The following MIPOL1 variants were observed in gnomAD, a reference collection of about 807,000 sequenced individuals.
The protein encoded by MIPOL1 is mirror-image polydactyly 1.
A neutral mutation model predicts 60.9 loss-of-function variants in MIPOL1; 57 were observed. The observed-to-expected ratio is 0.94, with a 90% CI of 0.76 to 1.17. MIPOL1 has a LOEUF of 1.17. Among genes scored for constraint, MIPOL1 ranks in the 50% most tolerant of loss-of-function variants. The probability of loss-of-function intolerance (pLI) is 0.00; values close to 1 mark genes in which losing one functional copy is unlikely to be tolerated. For missense variants in MIPOL1, 551 were observed against 511.6 expected (o/e 1.08, Z -0.74); for synonymous variants, 179 against 168.8 (o/e 1.06, Z -0.47).
At chr14:37,451,814 T>C (rs1204792463) in intron 11 of MIPOL1, among the ~76,000 whole-genome samples, 3 of 21,558 alleles carry the variant, frequency 1.4e-4, no homozygotes, top group African/African-American at 3.5e-4. Flanking sequence ...CTCTCTTTTT[T>C]TTTTTTTTTT....
chr14:37,493,027 A>G (rs1286043575), intron 11 of MIPOL1, among the ~76,000 whole-genome samples: 2 of 152,220 alleles, frequency 1.3e-5, no homozygotes, highest in East Asian at 3.8e-4. Flanking sequence ...AATAAATAGC[A>G]TATATACAAC....
chr14:37,226,446 A>G (rs1969752673), intron 1 of MIPOL1, among the ~76,000 whole-genome samples: 1 of 152,212 alleles, frequency 6.6e-6, no homozygotes, highest in Non-Finnish European at 1.5e-5. Flanking sequence ...GCAGCAGACA[A>G]GAGAAGACAG....
chr14:37,381,209 G>A (rs1033001821), intron 10 of MIPOL1, among the ~76,000 whole-genome samples: 4 of 152,026 alleles, frequency 2.6e-5, no homozygotes, highest in African/African-American at 9.7e-5. Flanking sequence ...CACATCAATA[G>A]TAGGTACCTT....
chr14:37,299,616 A>T (rs1295322625), intron 7 of MIPOL1, among the ~76,000 whole-genome samples: 2 of 152,048 alleles, frequency 1.3e-5, no homozygotes, highest in African/African-American at 4.8e-5. Context: ...TTTTTTAAAA[A>T]GTGTAGAATA....
chr14:37,504,084 A>G (rs577135645), intron 12 of MIPOL1: 12 of 152,312 alleles, frequency 7.9e-5, no homozygotes, highest in African/African-American at 2.6e-4. Context: ...CACCCAATAC[A>G]GGAGCACCCA....
At chr14:37,294,737 G>A (rs2085456586) in intron 7 of MIPOL1, among the ~76,000 whole-genome samples, 1 of 152,084 alleles carries the variant, frequency 6.6e-6, no homozygotes, top group South Asian at 2.1e-4. Flanking sequence ...GTGAAATGAA[G>A]TGTGAAGAGA....
chr14:37,361,931 G>T (rs999446650), intron 9 of MIPOL1, among the ~76,000 whole-genome samples: 2 of 152,032 alleles, frequency 1.3e-5, no homozygotes, highest in Non-Finnish European at 2.9e-5. Context: ...GACTAGGATT[G>T]CAATGCCTGC....
intron 10 of MIPOL1, among the ~76,000 whole-genome samples, chr14:37,397,501 C>A (rs182086442): frequency 6.6e-6 from 1 of 152,258 alleles, no homozygotes; most frequent in African/African-American, 2.4e-5. Flanking sequence ...CAGAGAGCAT[C>A]AGCTGTGGTA....
intron 10 of MIPOL1, among the ~76,000 whole-genome samples, chr14:37,395,034 C>T (rs1267549749): frequency 1.3e-5 from 2 of 151,980 alleles, no homozygotes; most frequent in Non-Finnish European, 2.9e-5. Flanking sequence ...CCTTTCCCCA[C>T]TTTGTTTTTG....
intron 11 of MIPOL1, among the ~76,000 whole-genome samples, chr14:37,499,681 C>G (rs2095186481): frequency 6.6e-6 from 1 of 152,082 alleles, no homozygotes; most frequent in South Asian, 2.1e-4. Context: ...CTTGCAGCAT[C>G]TTTTTGTATG....
chr14:37,361,834 C>T (rs775477042), intron 9 of MIPOL1, among the ~76,000 whole-genome samples: 11 of 151,996 alleles, frequency 7.2e-5, no homozygotes, highest in Non-Finnish European at 1.6e-4. Flanking sequence ...GTCTCAATCT[C>T]CTGACCTTGT....
At chr14:37,420,595 A>G (rs1384752165) in intron 10 of MIPOL1, among the ~76,000 whole-genome samples, 1 of 152,196 alleles carries the variant, frequency 6.6e-6, no homozygotes, top group East Asian at 1.9e-4. Context: ...GTGTTTCAAC[A>G]ATGCATGCAA....
At chr14:37,335,273 A>G (rs1056363194) in intron 9 of MIPOL1, among the ~76,000 whole-genome samples, 2 of 152,092 alleles carry the variant, frequency 1.3e-5, no homozygotes, top group African/African-American at 4.8e-5. Flanking sequence ...TATACATAAC[A>G]TAAATATACA....
chr14:37,362,765 C>G (rs1254806302), intron 9 of MIPOL1, among the ~76,000 whole-genome samples: 2 of 152,158 alleles, frequency 1.3e-5, no homozygotes, highest in South Asian at 4.1e-4. Flanking sequence ...TAGATTTGGT[C>G]TTTTCACATG....
chr14:37,199,782 C>A (rs1169932178), intron 1 of MIPOL1, among the ~76,000 whole-genome samples: 1 of 152,152 alleles, frequency 6.6e-6, no homozygotes, highest in Non-Finnish European at 1.5e-5. Flanking sequence ...GCCTCAGCAT[C>A]CCAGAGTGCT....
intron 7 of MIPOL1, 21 bp from the exon 8 acceptor site, chr14:37,308,035 T>A: frequency 6.2e-7 from 1 of 1,608,062 alleles, no homozygotes; most frequent in Non-Finnish European, 8.5e-7. Flanking sequence ...TGATCAGGCT[T>A]TCTGTGTCCC....
At chr14:37,391,583 A>G (rs920653146) in intron 10 of MIPOL1, among the ~76,000 whole-genome samples, 9 of 151,762 alleles carry the variant, frequency 5.9e-5, no homozygotes, top group African/African-American at 2.2e-4. Context: ...TTTAGTAGAA[A>G]CGGGGTTTCA....
chr14:37,430,512 TA>T (rs67988090), intron 11 of MIPOL1, among the ~76,000 whole-genome samples: 84,914 of 149,278 alleles, frequency 0.57, 25,684 homozygotes, highest in Non-Finnish European at 0.66. Context: ...TTTTTTTTTT[TA>T]AAAAAAAGTA....
intron 3 of MIPOL1, among the ~76,000 whole-genome samples, chr14:37,252,103 A>C (rs901590190): frequency 1.3e-5 from 2 of 151,728 alleles, no homozygotes; most frequent in Admixed American, 1.3e-4. Context: ...GCTTTTGACC[A>C]AAACCTTTCA....
Sources: gnomAD v4.1 joint callset for allele counts (sites outside exome capture counted in the v4.1 genomes callset) on GRCh38, gnomAD v4.1.1 for gene constraint, MANE v1.5 for transcripts, NCBI Gene and HGNC (gene_info 2026-07-23, HGNC 2026-07-21) for gene names.